The following ERBB4 variants were observed in gnomAD, a reference collection of about 807,000 sequenced individuals.
ERBB4 encodes receptor tyrosine-protein kinase erbB-4.
ERBB4 carries 42 observed loss-of-function variants against 158.0 expected under a neutral mutation model. That is an observed-to-expected ratio of 0.27 (90% CI 0.21 to 0.34). ERBB4 has a LOEUF of 0.34. Ranked by LOEUF, ERBB4 falls within the 10% of genes least tolerant of loss-of-function variation. The pLI, the probability that ERBB4 is intolerant of heterozygous loss-of-function variation, is 1.00. For missense variants in ERBB4, 1,333 were observed against 1,624.1 expected, an observed-to-expected ratio of 0.82 and a Z score of 3.08; for synonymous variants, 583 against 558.7, an observed-to-expected ratio of 1.04 and a Z score of -0.61.
At chr2:211,756,235 G>A (rs1197679500) in intron 4 of ERBB4, among the ~76,000 whole-genome samples, 1 of 151,990 alleles carries the variant, frequency 6.6e-6, no homozygotes, top group African/African-American at 2.4e-5. Context: ...CGAAAATATA[G>A]GTATGTATAA....
At chr2:212,337,110 TC>T (rs1201839117) in intron 1 of ERBB4, among the ~76,000 whole-genome samples, 2 of 152,112 alleles carry the variant, frequency 1.3e-5, no homozygotes, top group Non-Finnish European at 2.9e-5. Context: ...ATCTTTTTTT[TC>T]CAATAGATTT....
chr2:211,678,393 T>A (rs533754671), intron 13 of ERBB4, among the ~76,000 whole-genome samples: 3 of 151,666 alleles, frequency 2.0e-5, no homozygotes, highest in African/African-American at 7.3e-5. Context: ...TAAAAAATAT[T>A]ATTGGGATAC....
At chr2:211,535,306 G>A (rs968230087) in intron 20 of ERBB4, among the ~76,000 whole-genome samples, 1 of 151,908 alleles carries the variant, frequency 6.6e-6, no homozygotes, top group Non-Finnish European at 1.5e-5. Flanking sequence ...ATATCTAATG[G>A]ACTCCTACCT....
intron 2 of ERBB4, among the ~76,000 whole-genome samples, chr2:212,033,147 T>C (rs2076939728): frequency 1.3e-5 from 2 of 151,994 alleles, no homozygotes; most frequent in South Asian, 4.1e-4. Context: ...ACCATTTTAG[T>C]CTACTCAGAA....
intron 1 of ERBB4, among the ~76,000 whole-genome samples, chr2:212,457,255 A>G (rs1168334153): frequency 6.6e-6 from 1 of 152,064 alleles, no homozygotes; most frequent in Middle Eastern, 3.2e-3. Flanking sequence ...AGCCAGAAAT[A>G]ATATAAACAA....
intron 3 of ERBB4, among the ~76,000 whole-genome samples, chr2:211,835,977 A>G (rs1288781266): frequency 6.6e-6 from 1 of 152,092 alleles, no homozygotes; most frequent in Non-Finnish European, 1.5e-5. Flanking sequence ...TACAAGACAC[A>G]TAAGGGAAAA....
intron 19 of ERBB4, among the ~76,000 whole-genome samples, chr2:211,575,067 C>A (rs1209342867): frequency 1.3e-5 from 2 of 152,170 alleles, no homozygotes; most frequent in Non-Finnish European, 2.9e-5. Flanking sequence ...TGCCATGATT[C>A]TAAATTCCTT....
At position 212,013,513 on chromosome 2, in the gene ERBB4, TA is replaced by T. The variant is rs566718749; in HGVS notation, c.235-65898del. Among the ~76,000 whole-genome samples, 85 of 152,260 alleles carry T rather than the reference TA, an allele frequency of 5.6e-4. 2 individuals carry two copies. The East Asian group carries it at 0.016, about 28-fold the overall frequency. On this transcript the variant is annotated intron_variant, in intron 2 of 27. Transcript: ENST00000342788. ...GAATGAATGTGACCTAATTTGGAAA[TA>T]GGGCCTTTGTAAATGTAGTCAAATT...
intron 1 of ERBB4, among the ~76,000 whole-genome samples, chr2:212,536,719 G>T (rs556465027): frequency 2.0e-4 from 31 of 152,258 alleles, no homozygotes; most frequent in South Asian, 1.5e-3. Flanking sequence ...ACTCGGAGCC[G>T]CACAGTTAAT....
chr2:211,825,116 G>T (rs758517904), intron 3 of ERBB4, among the ~76,000 whole-genome samples: 5 of 151,814 alleles, frequency 3.3e-5, no homozygotes, highest in Non-Finnish European at 7.4e-5. Flanking sequence ...CATAAGAGAA[G>T]AAAAGGACAG....
chr2:211,530,875 T>G (rs1317369191), intron 20 of ERBB4, among the ~76,000 whole-genome samples: 1 of 151,852 alleles, frequency 6.6e-6, no homozygotes, highest in Non-Finnish European at 1.5e-5. Flanking sequence ...GAAAACAGAG[T>G]GAGACCATGT....
At chr2:211,847,721 C>T (rs1274744455) in intron 3 of ERBB4, among the ~76,000 whole-genome samples, 3 of 152,058 alleles carry the variant, frequency 2.0e-5, no homozygotes, top group African/African-American at 7.2e-5. Context: ...TAATGTGGCC[C>T]TGGGAAGCCA....
At chr2:211,488,777 G>A (rs78569879) in intron 20 of ERBB4, among the ~76,000 whole-genome samples, 10,090 of 152,054 alleles carry the variant, frequency 0.066, 494 homozygotes, top group Middle Eastern at 0.13. Flanking sequence ...TCCTGTAGAA[G>A]TAAACTATTA....
intron 2 of ERBB4, among the ~76,000 whole-genome samples, chr2:211,977,689 T>G (rs2081653434): frequency 6.6e-6 from 1 of 151,076 alleles, no homozygotes; most frequent in Non-Finnish European, 1.5e-5. Context: ...ATACAAAAAA[T>G]TAGCTGGGCG....
At chr2:212,410,837 C>A (rs1255506939) in intron 1 of ERBB4, among the ~76,000 whole-genome samples, 1 of 152,046 alleles carries the variant, frequency 6.6e-6, no homozygotes, top group East Asian at 1.9e-4. Flanking sequence ...TGTACACAAA[C>A]ACACACATCT....
intron 2 of ERBB4, among the ~76,000 whole-genome samples, chr2:212,087,385 T>C (rs2078647760): frequency 6.6e-6 from 1 of 152,262 alleles, no homozygotes; most frequent in Non-Finnish European, 1.5e-5. Flanking sequence ...ACACAATTTA[T>C]AGTAACAGTA....
intron 1 of ERBB4, among the ~76,000 whole-genome samples, chr2:212,164,685 G>C (rs897335139): frequency 1.0e-5 from 1 of 98,394 alleles, no homozygotes; most frequent in African/African-American, 4.8e-5. Context: ...TGATTTTTAG[G>C]TAAATAATCC....
intron 20 of ERBB4, among the ~76,000 whole-genome samples, chr2:211,436,221 C>CA (rs1202635877): frequency 4.5e-4 from 68 of 152,298 alleles, no homozygotes; most frequent in African/African-American, 1.3e-3. Flanking sequence ...AAGTGATTGA[C>CA]ATTTTTTAAT....
chr2:211,489,040 C>T (rs773765346), intron 20 of ERBB4, among the ~76,000 whole-genome samples: 1 of 151,942 alleles, frequency 6.6e-6, no homozygotes, highest in Admixed American at 6.6e-5. Flanking sequence ...GAAACAAAAG[C>T]TAATCTTTTG....
Sources: allele counts gnomAD v4.1 joint callset (sites outside exome capture counted in the v4.1 genomes callset), GRCh38; gene constraint gnomAD v4.1.1; transcripts MANE v1.5; gene names NCBI Gene and HGNC (gene_info 2026-07-23, HGNC 2026-07-21).